DNAJC1: variants seen among roughly 807,000 people sequenced by gnomAD.
The protein encoded by DNAJC1 is DnaJ heat shock protein family (Hsp40) member C1.
In DNAJC1, 58 loss-of-function variants were observed where a neutral mutation model predicts 76.6. That is an observed-to-expected ratio of 0.76 (90% CI 0.61 to 0.94). The LOEUF is 0.94. Ranked by LOEUF, DNAJC1 falls within the 40% of genes least tolerant of loss-of-function variation. The pLI is 0.00. For synonymous variants in DNAJC1, 258 were observed against 267.9 expected (o/e 0.96, Z 0.36); for missense variants, 689 against 677.3 (o/e 1.02, Z -0.19).
In DNAJC1 at chr10:22,003,621, G is replaced by A. The variant is rs1297925027; in HGVS notation, c.-187C>T. On this transcript the variant is annotated 5_prime_UTR_variant, in exon 1 of 12. Coordinates refer to ENST00000376980, the MANE Select transcript of DNAJC1 (RefSeq NM_022365.4). ...GGCGGCGGGAGCCGGCTGCCGGACG[G>A]GCGGGTGGGTAGGCGGGCGGGGCCG... The A allele has an allele frequency of 3.2e-6, 2 of 626,094 alleles. No individual in the cohort carries two copies. Among genetic ancestry groups the A allele is most frequent in the Non-Finnish European group, 4.6e-6 (2 of 433,252 alleles). 38.8% of individuals were successfully genotyped at this position (626,094 alleles called of 1,614,324 possible).
chr10:21,812,947 A>G (rs980466447), intron 8 of DNAJC1, among the ~76,000 whole-genome samples: 3 of 151,290 alleles, frequency 2.0e-5, no homozygotes, highest in African/African-American at 2.4e-5. Context: ...TAGGGCTGAC[A>G]TGTAAAACCA....
chr10:21,956,349 A>T (rs1016465410), intron 1 of DNAJC1, among the ~76,000 whole-genome samples: 1 of 152,198 alleles, frequency 6.6e-6, no homozygotes, highest in African/African-American at 2.4e-5. Context: ...TTAGGGATTA[A>T]GTTTCCAACA....
chr10:21,828,888 A>G (rs1589999266), intron 8 of DNAJC1, among the ~76,000 whole-genome samples: 2 of 152,210 alleles, frequency 1.3e-5, no homozygotes, highest in Admixed American at 6.5e-5. Flanking sequence ...TTCTCTATAT[A>G]TATCAGAATA....
intron 1 of DNAJC1, among the ~76,000 whole-genome samples, chr10:21,932,410 T>G (rs1039890754): frequency 3.3e-5 from 5 of 152,134 alleles, no homozygotes; most frequent in African/African-American, 1.2e-4. Flanking sequence ...CAATGGCATG[T>G]CAGCAAAAAA....
intron 8 of DNAJC1, among the ~76,000 whole-genome samples, chr10:21,838,142 G>C (rs530648743): frequency 2.0e-5 from 3 of 152,108 alleles, no homozygotes; most frequent in African/African-American, 2.4e-5. Context: ...AGCTCATTGA[G>C]AACGGGCCAA....
chr10:21,771,643 G>C (rs540522552), intron 9 of DNAJC1, among the ~76,000 whole-genome samples: 5 of 152,102 alleles, frequency 3.3e-5, no homozygotes, highest in African/African-American at 1.2e-4. Flanking sequence ...GATTACAGGT[G>C]CGTGCCACCA....
intron 8 of DNAJC1, among the ~76,000 whole-genome samples, chr10:21,857,886 C>A (rs1022434649): frequency 1.9e-4 from 29 of 150,682 alleles, no homozygotes; most frequent in African/African-American, 5.6e-4. Context: ...AAAAAAAAAA[C>A]CGGGTATGTT....
At chr10:21,757,937 G>A (rs1383367679) in intron 11 of DNAJC1, among the ~76,000 whole-genome samples, 4 of 152,168 alleles carry the variant, frequency 2.6e-5, no homozygotes, top group East Asian at 1.9e-4. Flanking sequence ...CAGCCCCTTC[G>A]TTTATAAGCC....
chr10:21,985,549 A>G (rs1838231557), intron 1 of DNAJC1, among the ~76,000 whole-genome samples: 1 of 151,924 alleles, frequency 6.6e-6, no homozygotes, highest in Non-Finnish European at 1.5e-5. Flanking sequence ...GTGCCCAGCC[A>G]CCTGCTTTCC....
chr10:21,887,681 C>T (rs937439718), intron 7 of DNAJC1, among the ~76,000 whole-genome samples: 3 of 152,106 alleles, frequency 2.0e-5, no homozygotes, highest in Admixed American at 6.6e-5. Context: ...ACTGGCTAGC[C>T]ATATGCAGAA....
intron 9 of DNAJC1, among the ~76,000 whole-genome samples, chr10:21,769,307 A>T (rs144184781): frequency 1.8e-3 from 273 of 152,340 alleles, no homozygotes; most frequent in Non-Finnish European, 2.9e-3. Context: ...CCTACGTAAC[A>T]TTAAGCTTAC....
intron 8 of DNAJC1, among the ~76,000 whole-genome samples, chr10:21,823,135 T>C (rs1340545696): frequency 6.6e-6 from 1 of 152,192 alleles, no homozygotes; most frequent in Non-Finnish European, 1.5e-5. Context: ...TCTCTGCCAC[T>C]TCAAAGAGAC....
chr10:21,922,052 G>T (rs1022722364), intron 3 of DNAJC1, among the ~76,000 whole-genome samples: 3 of 151,938 alleles, frequency 2.0e-5, no homozygotes, highest in Non-Finnish European at 2.9e-5. Flanking sequence ...TTAGTCGCAG[G>T]CCTAATTACA....
At chr10:21,926,499 A>C (rs1293109442) in intron 3 of DNAJC1, among the ~76,000 whole-genome samples, 1 of 152,180 alleles carries the variant, frequency 6.6e-6, no homozygotes, top group African/African-American at 2.4e-5. Flanking sequence ...TGTGATACCA[A>C]AATGCATTTT....
At chr10:21,891,476 C>CAAAAAAAAAAAAAAAAAAGAAAA (rs1836461421) in intron 7 of DNAJC1, among the ~76,000 whole-genome samples, 4 of 38,870 alleles carry the variant, frequency 1.0e-4, no homozygotes, top group African/African-American at 3.7e-4. Context: ...ACAAAGTAGA[C>CAAAAAAAAAAAAAAAAAAGAAAA]AAAAAAAAAA....
At chr10:21,870,110 A>C (rs1441973896) in intron 8 of DNAJC1, among the ~76,000 whole-genome samples, 3 of 152,078 alleles carry the variant, frequency 2.0e-5, no homozygotes, top group Non-Finnish European at 4.4e-5. Flanking sequence ...GGACCAAAGA[A>C]GGTTCATTCC....
chr10:21,888,255 G>A (rs1383139306), intron 7 of DNAJC1, among the ~76,000 whole-genome samples: 1 of 152,150 alleles, frequency 6.6e-6, no homozygotes, highest in Non-Finnish European at 1.5e-5. Flanking sequence ...CCAAGGTTAT[G>A]GAGAAAAGGG....
Position 21,823,470 on chromosome 10 carries a change from T to C in DNAJC1, c.979-17371A>G, listed in dbSNP as rs540268478. Among the ~76,000 whole-genome samples, 75 of 152,334 alleles carry C rather than the reference T, an allele frequency of 4.9e-4. No homozygotes were observed. The South Asian group carries it at 0.011, about 22-fold the overall frequency. On this transcript the variant is annotated intron_variant, in intron 8 of 11. Coordinates refer to ENST00000376980, the MANE Select transcript of DNAJC1 (RefSeq NM_022365.4). ...TAGTGTTTTTTCCTAACTTAACATT[T>C]AGTCCGATTTTTCTATCACTGATGA...
chr10:21,965,921 G>A (rs1293884265), intron 1 of DNAJC1, among the ~76,000 whole-genome samples: 2 of 152,154 alleles, frequency 1.3e-5, no homozygotes, highest in East Asian at 1.9e-4. Context: ...GTCTGGATCA[G>A]GTACCCCTTT....
Sources: allele counts gnomAD v4.1 joint callset (sites outside exome capture counted in the v4.1 genomes callset), GRCh38; gene constraint gnomAD v4.1.1; transcripts MANE v1.5; gene names NCBI Gene and HGNC (gene_info 2026-07-23, HGNC 2026-07-21).